Variants in NINJ2 observed in about 807,000 individuals in gnomAD.
NINJ2 encodes the protein ninjurin 2.
NINJ2 carries 12 observed loss-of-function variants against 11.7 expected under a neutral mutation model. The observed-to-expected ratio is 1.02, with a 90% CI of 0.66 to 1.66. The LOEUF (loss-of-function observed/expected upper bound fraction) is 1.66, where lower values mean the gene tolerates loss of function less well. NINJ2 is among the 40% of genes most tolerant of loss of function. NINJ2 has a pLI of 0.00. For missense variants in NINJ2, 187 were observed against 181.8 expected (o/e 1.03, Z -0.16); for synonymous variants, 93 against 76.8 (o/e 1.21, Z -1.10).
At chr12:642,739 G>A (rs1308799117) in intron 1 of NINJ2, 2 of 152,344 alleles carry the variant, frequency 1.3e-5, no homozygotes, top group African/African-American at 2.4e-5. Flanking sequence ...CCGGGAAAAG[G>A]TGAGGGCGGC....
chr12:577,067 G>A (rs960227929), intron 1 of NINJ2, among the ~76,000 whole-genome samples: 2 of 152,100 alleles, frequency 1.3e-5, no homozygotes, highest in Non-Finnish European at 1.5e-5. Flanking sequence ...ACTCCACAAA[G>A]CAGGTATTAA....
chr12:661,722 T>C (rs565915177), intron 1 of NINJ2, among the ~76,000 whole-genome samples: 4 of 152,346 alleles, frequency 2.6e-5, no homozygotes, highest in African/African-American at 9.6e-5. Context: ...AAGGATCTTA[T>C]AGAGGCAAGA....
At chr12:570,238 C>A (rs1447577306) in intron 1 of NINJ2, among the ~76,000 whole-genome samples, 1 of 152,220 alleles carries the variant, frequency 6.6e-6, no homozygotes, top group Non-Finnish European at 1.5e-5. Flanking sequence ...GCAGTGAGGC[C>A]CTGGCGAAGG....
At chr12:576,655 G>A (rs926952279) in intron 1 of NINJ2, among the ~76,000 whole-genome samples, 2 of 152,212 alleles carry the variant, frequency 1.3e-5, no homozygotes, top group African/African-American at 4.8e-5. Flanking sequence ...CGCCACCCCG[G>A]CCTCCGTGCT....
intron 1 of NINJ2, among the ~76,000 whole-genome samples, chr12:608,167 G>T (rs1444791495): frequency 6.6e-6 from 1 of 152,124 alleles, no homozygotes; most frequent in African/African-American, 2.4e-5. Flanking sequence ...ACCCTTAAGA[G>T]TCTTTACCAA....
intron 1 of NINJ2, among the ~76,000 whole-genome samples, chr12:662,380 G>T (rs139171352): frequency 6.6e-6 from 1 of 151,676 alleles, no homozygotes; most frequent in Non-Finnish European, 1.5e-5. Context: ...CCAGACTCAC[G>T]CCACCCTGCC....
At chr12:605,855 G>A (rs2120922907) in intron 1 of NINJ2, among the ~76,000 whole-genome samples, 1 of 152,248 alleles carries the variant, frequency 6.6e-6, no homozygotes, top group East Asian at 1.9e-4. Flanking sequence ...GCTTTTTGGT[G>A]CCTCACTGTT....
intron 1 of NINJ2, among the ~76,000 whole-genome samples, chr12:602,187 T>C (rs547340094): frequency 1.3e-5 from 2 of 152,334 alleles, no homozygotes; most frequent in East Asian, 3.9e-4. Context: ...ACAATTCACC[T>C]ATTTAAAGTG....
At chr12:650,054 G>A (rs1937763541) in intron 1 of NINJ2, among the ~76,000 whole-genome samples, 1 of 150,760 alleles carries the variant, frequency 6.6e-6, no homozygotes, top group South Asian at 2.1e-4. Flanking sequence ...ATTTTCTTAG[G>A]CTGTTTCTAG....
Position 633,919 on chromosome 12 carries a change from C to G in NINJ2, c.33+29409G>C, listed in dbSNP as rs1948313011. Among the ~76,000 whole-genome samples, 1 of 152,162 alleles carries G rather than the reference C, an allele frequency of 6.6e-6. No individual in the cohort carries two copies. Among genetic ancestry groups the G allele is most frequent in the Non-Finnish European group, 1.5e-5 (1 of 68,032 alleles). Reference sequence around the variant, plus strand: ...CATAATTCGGCCCCACCCCACCTATCCAGTTGTGCTTTCCCCCACACACAC... The same window carrying G: ...CATAATTCGGCCCCACCCCACCTATGCAGTTGTGCTTTCCCCCACACACAC... On this transcript the variant is annotated intron_variant, in intron 1 of 3. Transcript: ENST00000305108. This position sits in a 1 kb window ranked among gnomAD's most constrained non-coding sequence, Gnocchi z 4.3.
intron 1 of NINJ2, among the ~76,000 whole-genome samples, chr12:583,395 G>A (rs1033345189): frequency 2.6e-5 from 4 of 152,352 alleles, no homozygotes; most frequent in Admixed American, 6.5e-5. Flanking sequence ...ACTAACGAGC[G>A]AGAGACCTCC....
intron 1 of NINJ2, among the ~76,000 whole-genome samples, chr12:620,507 T>C (rs771754664): frequency 7.9e-5 from 12 of 152,270 alleles, no homozygotes; most frequent in Non-Finnish European, 1.5e-4. Flanking sequence ...AAGATACATG[T>C]AAAAAGTATT....
chr12:627,913 C>T (rs772502200), intron 1 of NINJ2, among the ~76,000 whole-genome samples: 11 of 152,136 alleles, frequency 7.2e-5, no homozygotes, highest in African/African-American at 1.7e-4. Context: ...CCAGCCTGAG[C>T]GATAGAGCGA....
chr12:619,037 C>T (rs761569655), intron 1 of NINJ2, among the ~76,000 whole-genome samples: 8 of 152,218 alleles, frequency 5.3e-5, no homozygotes, highest in Non-Finnish European at 8.8e-5. Context: ...AATCCCAGAA[C>T]TTCTAAAGGT....
At chr12:622,526 G>C (rs779869028) in intron 1 of NINJ2, among the ~76,000 whole-genome samples, 51 of 151,770 alleles carry the variant, frequency 3.4e-4, no homozygotes, top group Non-Finnish European at 3.5e-4. Context: ...TTGTTTAAAG[G>C]CCCTTTTTAA....
intron 1 of NINJ2, among the ~76,000 whole-genome samples, chr12:577,634 C>T (rs930634659): frequency 6.6e-5 from 10 of 151,408 alleles, no homozygotes; most frequent in African/African-American, 1.9e-4. Flanking sequence ...CCTAAGCCTG[C>T]GTTTTTCTCC....
rs779002898 is a variant in NINJ2, at chr12:591,515, T to C, written c.34-25337A>G. ...AGTGCTGATTCACCTACTAGGTTGG[T>C]CAGAGGGTTGGGGGCAACTCTGATT... On this transcript the variant is annotated intron_variant, in intron 1 of 3. Coordinates refer to ENST00000305108, the MANE Select transcript of NINJ2 (RefSeq NM_016533.6). The surrounding 1 kb of genome is among the most constrained non-coding windows in gnomAD (Gnocchi z 5.0). Among the ~76,000 whole-genome samples the C allele has an allele frequency of 1.3e-5, 2 of 152,132 alleles. No homozygotes were observed. Among genetic ancestry groups the C allele is most frequent in the Non-Finnish European group, 2.9e-5 (2 of 68,028 alleles).
At chr12:590,308 C>T (rs1181158282) in intron 1 of NINJ2, among the ~76,000 whole-genome samples, 1 of 152,052 alleles carries the variant, frequency 6.6e-6, no homozygotes, top group Non-Finnish European at 1.5e-5. Flanking sequence ...TGCAGCACAG[C>T]ATTGGCAGTG....
rs369863514 is a variant in NINJ2 at position 609,910 on chromosome 12, C to T, written c.34-43732G>A. 9.4e-5 allele frequency among the ~76,000 whole-genome samples: 14 copies of T among 149,630 alleles called. No individual in the cohort carries two copies. In the East Asian group the frequency reaches 1.2e-3, roughly 13 times the overall value. On this transcript the variant is annotated intron_variant, in intron 1 of 3. Coordinates refer to ENST00000305108, the MANE Select transcript of NINJ2 (RefSeq NM_016533.6). ...TGAGTCATGATGGCACCACTGCACT[C>T]CAGCCTGGGCGACAGAGTGGCAAGA...
Sources: allele counts gnomAD v4.1 joint callset (sites outside exome capture counted in the v4.1 genomes callset), GRCh38; gene constraint gnomAD v4.1.1; non-coding constraint Gnocchi (gnomAD v3.1); transcripts MANE v1.5; gene names NCBI Gene and HGNC (gene_info 2026-07-23, HGNC 2026-07-21).